The following RFTN1 variants were observed in gnomAD, a reference collection of about 807,000 sequenced individuals.
The protein encoded by RFTN1 is raftlin.
A neutral mutation model predicts 46.5 loss-of-function variants in RFTN1; 26 were observed. The observed-to-expected ratio is 0.56, with a 90% CI of 0.41 to 0.78. RFTN1 has a LOEUF of 0.78. RFTN1 is among the 30% of genes least tolerant of loss of function. The probability of loss-of-function intolerance (pLI) is 0.00; values close to 1 mark genes in which losing one functional copy is unlikely to be tolerated. For missense variants in RFTN1, 693 were observed against 718.7 expected, an observed-to-expected ratio of 0.96 and a Z score of 0.41; for synonymous variants, 261 against 284.2, an observed-to-expected ratio of 0.92 and a Z score of 0.82.
chr3:16,501,468 C>G (rs752485837), intron 1 of RFTN1, among the ~76,000 whole-genome samples: 21 of 152,276 alleles, frequency 1.4e-4, no homozygotes, highest in Non-Finnish European at 2.8e-4. Context: ...GTTATATTTT[C>G]AAATACAAAT....
chr3:16,505,029 T>G (rs911415976), intron 1 of RFTN1, among the ~76,000 whole-genome samples: 4 of 152,148 alleles, frequency 2.6e-5, no homozygotes, highest in Admixed American at 6.5e-5. Flanking sequence ...ATGCTATCCA[T>G]TCCTCCACTT....
rs1277747188 is a variant in RFTN1 at position 16,336,488 on chromosome 3, G to A, written c.1147-9612C>T. Among the ~76,000 whole-genome samples the A allele has an allele frequency of 6.6e-6, 1 of 152,192 alleles. No individual in the cohort carries two copies. Among genetic ancestry groups the A allele is most frequent in the African/African-American group, 2.4e-5 (1 of 41,446 alleles). On this transcript the variant is annotated intron_variant, in intron 7 of 9. Transcript: ENST00000334133. This position sits in a 1 kb window ranked among gnomAD's most constrained non-coding sequence, Gnocchi z 6.0. ...CACCCTCAGCCTCCCAGGCCTCTGC[G>A]GGAGGGAGGGACAGGCACGCTGGCC...
rs969454825 is a variant in RFTN1, at chr3:16,451,005, A to G, written c.146-16968T>C. Among the ~76,000 whole-genome samples the G allele has an allele frequency of 6.6e-6, 1 of 152,106 alleles. No individual in the cohort carries two copies. The highest frequency in any genetic ancestry group is 2.4e-5 in the African/African-American group (1 of 41,414). ...TATAGGATCTTCAGCTCAAACGGAGAACTCTGGACTGGGGATAGAAAACGG... is the reference window on the plus strand; with the variant it reads ...TATAGGATCTTCAGCTCAAACGGAGGACTCTGGACTGGGGATAGAAAACGG... On this transcript the variant is annotated intron_variant, in intron 2 of 9. Coordinates refer to ENST00000334133, the MANE Select transcript of RFTN1 (RefSeq NM_015150.2). The surrounding 1 kb of genome is among the most constrained non-coding windows in gnomAD (Gnocchi z 4.2).
chr3:16,420,563 T>C (rs2075164982), intron 3 of RFTN1, among the ~76,000 whole-genome samples: 1 of 152,202 alleles, frequency 6.6e-6, no homozygotes, highest in Non-Finnish European at 1.5e-5. Flanking sequence ...TAAACTTTGC[T>C]GATTGTTTTC....
intron 3 of RFTN1, among the ~76,000 whole-genome samples, chr3:16,431,295 C>T (rs1195391769): frequency 1.3e-5 from 2 of 152,156 alleles, no homozygotes; most frequent in Non-Finnish European, 2.9e-5. Context: ...GGCATGAAGC[C>T]AGGCAAGAAT....
At position 16,389,689 on chromosome 3, in the gene RFTN1, T is replaced by A. The variant is rs525851; in HGVS notation, c.442-11587A>T. ...GAACCAGAAATGAACATAAGCATGT[T>A]GGAATTCATGTATGTGGCAGACTGT... On this transcript the variant is annotated intron_variant, in intron 4 of 9. Coordinates refer to ENST00000334133, the MANE Select transcript of RFTN1 (RefSeq NM_015150.2). 6.6e-5 allele frequency among the ~76,000 whole-genome samples: 10 copies of A among 152,124 alleles called. No homozygotes were observed. In the East Asian group the frequency reaches 9.7e-4, roughly 15 times the overall value.
In RFTN1 at chr3:16,428,374, C is replaced by G. The variant is rs113233851; in HGVS notation, c.332+5477G>C. 4.5e-4 allele frequency among the ~76,000 whole-genome samples: 69 copies of G among 152,318 alleles called. No individual in the cohort carries two copies. The highest frequency in any genetic ancestry group is 1.6e-3 in the African/African-American group (67 of 41,564). On this transcript the variant is annotated intron_variant, in intron 3 of 9. Coordinates refer to ENST00000334133, the MANE Select transcript of RFTN1 (RefSeq NM_015150.2). The surrounding 1 kb of genome is among the most constrained non-coding windows in gnomAD (Gnocchi z 4.7). ...TTCACTGTTGGAAAAGCAATCTGAT[C>G]TAGTCCTGAAGGAAGACATGCATTG...
At chr3:16,405,710 AAAT>A (rs778748601) in intron 4 of RFTN1, among the ~76,000 whole-genome samples, 19 of 152,202 alleles carry the variant, frequency 1.2e-4, no homozygotes, top group Non-Finnish European at 1.8e-4. Context: ...TTTGGTGGAA[AAAT>A]AATACTGGGG....
intron 7 of RFTN1, among the ~76,000 whole-genome samples, chr3:16,354,046 G>A (rs1002337339): frequency 1.1e-4 from 16 of 152,202 alleles, no homozygotes; most frequent in African/African-American, 3.6e-4. Flanking sequence ...GCTCAATTTT[G>A]AGAAACACTA....
rs375602197 is a variant in RFTN1 at position 16,370,286 on chromosome 3, G to A, written c.827-7C>T. 2.0e-5 allele frequency: 33 copies of A among 1,613,678 alleles called. No homozygotes were observed. The highest frequency in any genetic ancestry group is 1.7e-5 in the Admixed American group (1 of 59,980). ...AGGGTGAAGATCTCCATTTCTGTTG[G>A]GATTTGTAAAGGGAGTGGAGAGAGA... On this transcript the variant is annotated splice_polypyrimidine_tract_variant and splice_region_variant and intron_variant, in intron 5 of 9. Coordinates refer to ENST00000334133, the MANE Select transcript of RFTN1 (RefSeq NM_015150.2). This position sits in a 1 kb window ranked among gnomAD's most constrained non-coding sequence, Gnocchi z 5.5.
At chr3:16,373,851 G>A (rs1012800569) in intron 5 of RFTN1, among the ~76,000 whole-genome samples, 3 of 152,288 alleles carry the variant, frequency 2.0e-5, no homozygotes, top group East Asian at 1.9e-4. Context: ...GGGAAGGGAG[G>A]CAGTGGGCAC....
At chr3:16,432,811 C>CTAATGTGTGTTGATG (rs2075418817) in intron 3 of RFTN1, among the ~76,000 whole-genome samples, 1 of 152,148 alleles carries the variant, frequency 6.6e-6, no homozygotes, top group Admixed American at 6.5e-5. Context: ...ACTTTGAATT[C>CTAATGTGTGTTGATG]TAATGTGTGT....
At position 16,403,603 on chromosome 3, in the gene RFTN1, AAT is replaced by A. The variant is rs201860446; in HGVS notation, c.441+5770_441+5771del. On this transcript the variant is annotated intron_variant, in intron 4 of 9. Transcript: ENST00000334133. ...ATTATATTTTATATATATAATATAT[AAT>A]ATATATATAATATATATTTTATGTA... Among the ~76,000 whole-genome samples the A allele has an allele frequency of 3.9e-3, 198 of 50,960 alleles. 32 individuals are homozygous for A. Among genetic ancestry groups the A allele is most frequent in the East Asian group, 9.9e-3 (15 of 1,516 alleles). 33.4% of individuals were successfully genotyped at this position (50,960 alleles called of 152,430 possible).
chr3:16,379,704 AAAAAC>A (rs2073916945), intron 4 of RFTN1, among the ~76,000 whole-genome samples: 1 of 152,224 alleles, frequency 6.6e-6, no homozygotes, highest in East Asian at 1.9e-4. Context: ...AAAAGTTAAA[AAAAAC>A]AAAAGACAAA....
intron 3 of RFTN1, among the ~76,000 whole-genome samples, chr3:16,432,731 CTG>C (rs1171025572): frequency 6.6e-6 from 1 of 152,110 alleles, no homozygotes; most frequent in Non-Finnish European, 1.5e-5. Context: ...AAGGCAGACA[CTG>C]AGAAAAGTCT....
rs2075641730 is a variant in RFTN1 at position 16,442,286 on chromosome 3, T to C, written c.146-8249A>G. 2.0e-5 allele frequency among the ~76,000 whole-genome samples: 3 copies of C among 152,206 alleles called. No individual in the cohort carries two copies. Among genetic ancestry groups the C allele is most frequent in the Admixed American group, 6.5e-5 (1 of 15,290 alleles). On this transcript the variant is annotated intron_variant, in intron 2 of 9. Coordinates refer to ENST00000334133, the MANE Select transcript of RFTN1 (RefSeq NM_015150.2). The surrounding 1 kb of genome is among the most constrained non-coding windows in gnomAD (Gnocchi z 4.1). ...GGTGGCGTTTAGTATCTTCATGATGTTGCACAACCATCAGCTCTATCTATA... is the reference window on the plus strand; with the variant it reads ...GGTGGCGTTTAGTATCTTCATGATGCTGCACAACCATCAGCTCTATCTATA...
At position 16,429,963 on chromosome 3, in the gene RFTN1, T is replaced by C. The variant is rs1353817201; in HGVS notation, c.332+3888A>G. 6.6e-6 allele frequency among the ~76,000 whole-genome samples: 1 copy of C among 152,266 alleles called. No homozygotes were observed. The highest frequency in any genetic ancestry group is 2.4e-5 in the African/African-American group (1 of 41,478). On this transcript the variant is annotated intron_variant, in intron 3 of 9. Transcript: ENST00000334133. The surrounding 1 kb of genome is among the most constrained non-coding windows in gnomAD (Gnocchi z 6.4). ...CTTTTAAAAGCTAACTCATTTCATTTAACAGCATCTATAACTGTCAGAACT... is the reference window on the plus strand; with the variant it reads ...CTTTTAAAAGCTAACTCATTTCATTCAACAGCATCTATAACTGTCAGAACT...
chr3:16,435,945 TCA>T (rs558593937), intron 2 of RFTN1, among the ~76,000 whole-genome samples: 99 of 126,172 alleles, frequency 7.8e-4, no homozygotes, highest in South Asian at 1.6e-3. Flanking sequence ...TATATATATA[TCA>T]CACACATATG....
intron 2 of RFTN1, among the ~76,000 whole-genome samples, chr3:16,476,008 T>A: frequency 6.6e-6 from 1 of 152,232 alleles, no homozygotes; most frequent in East Asian, 1.9e-4. Flanking sequence ...GTCCTGCTGT[T>A]GTGCCAAGTT....
Sources: allele counts gnomAD v4.1 joint callset (sites outside exome capture counted in the v4.1 genomes callset), GRCh38; gene constraint gnomAD v4.1.1; non-coding constraint Gnocchi (gnomAD v3.1); transcripts MANE v1.5; gene names NCBI Gene and HGNC (gene_info 2026-07-23, HGNC 2026-07-21).